COL4A3: variants seen among roughly 807,000 people sequenced by gnomAD.
The protein encoded by COL4A3 is collagen type IV alpha 3 chain.
COL4A3 carries 135 observed loss-of-function variants against 217.4 expected under a neutral mutation model. The observed-to-expected ratio is 0.62, with a 90% CI of 0.54 to 0.72. The LOEUF (loss-of-function observed/expected upper bound fraction) is 0.72, where lower values mean the gene tolerates loss of function less well. COL4A3 is among the 30% of genes least tolerant of loss of function. The pLI is 0.00. For synonymous variants in COL4A3, 690 were observed against 736.3 expected, an observed-to-expected ratio of 0.94 and a Z score of 1.02; for missense variants, 1,868 against 2,119.9, an observed-to-expected ratio of 0.88 and a Z score of 2.33.
chr2:227,249,529 C>T (rs2069607824), intron 9 of COL4A3, among the ~76,000 whole-genome samples: 1 of 151,842 alleles, frequency 6.6e-6, no homozygotes, highest in South Asian at 2.1e-4. Flanking sequence ...AGCCAACACG[C>T]CCAGCCAATT....
chr2:227,196,065 G>A (rs1026222918), intron 1 of COL4A3, among the ~76,000 whole-genome samples: 3 of 152,044 alleles, frequency 2.0e-5, no homozygotes, highest in East Asian at 1.9e-4. Flanking sequence ...GAATCAAGAC[G>A]TTTTAAAAAT....
rs1013423962 is a variant in COL4A3, at chr2:227,196,845, G to A, written c.87+32032G>A. The stretch of plus-strand genomic sequence containing the variant: ...ACTGCAGGTATACTATATAGCCTAA[G>A]CGTATAGTAGTAGGTCATGTGGTTT... On this transcript the variant is annotated intron_variant, in intron 1 of 51. Transcript: ENST00000396578. 7.9e-5 allele frequency among the ~76,000 whole-genome samples: 12 copies of A among 152,266 alleles called. No homozygotes were observed. The East Asian group carries it at 2.3e-3, about 29-fold the overall frequency.
At chr2:227,169,907 C>T (rs1379865042) in intron 1 of COL4A3, among the ~76,000 whole-genome samples, 1 of 152,082 alleles carries the variant, frequency 6.6e-6, no homozygotes, top group Non-Finnish European at 1.5e-5. Context: ...GTTTTGATCA[C>T]TATGTTTATA....
chr2:227,220,408 A>G lies in COL4A3; in HGVS notation c.88-17560A>G, dbSNP rs190014402. Among the ~76,000 whole-genome samples, 388 of 151,760 alleles carry G rather than the reference A, an allele frequency of 2.6e-3. 1 individual carries two copies. The highest frequency in any genetic ancestry group is 8.9e-3 in the African/African-American group (370 of 41,358). ...ATGTTGGCCAGGGTGGTCTCAAACT[A>G]CTGACCTCAAGTGATCCACCCGCCT... On this transcript the variant is annotated intron_variant, in intron 1 of 51. Coordinates refer to ENST00000396578, the MANE Select transcript of COL4A3 (RefSeq NM_000091.5).
intron 1 of COL4A3, among the ~76,000 whole-genome samples, chr2:227,210,444 GCC>G (rs199647981): frequency 0.042 from 5,834 of 137,998 alleles, 364 homozygotes; most frequent in East Asian, 0.12. Context: ...TAAAAAATTA[GCC>G]AAGTGTGGTG....
rs573806175 is a variant in COL4A3, at chr2:227,260,068, G to A, written c.1114+191G>A. ...TTTTATTTCATAGGTTGTATACCAG[G>A]AAGGTAATTAAATTATCTTTATGTA... On this transcript the variant is annotated intron_variant, in intron 19 of 51. Transcript: ENST00000396578. 5.4e-6 allele frequency: 4 copies of A among 746,384 alleles called. No individual in the cohort carries two copies. The East Asian group carries it at 1.0e-4, about 19-fold the overall frequency. The allele number at this position is 746,384 out of a possible 1,614,324, so 46.2% of individuals were successfully genotyped here. A position where few individuals can be genotyped will look rare whatever the true frequency, so the allele number is the denominator to read the frequency against.
chr2:227,217,766 T>C (rs2067580668), intron 1 of COL4A3, among the ~76,000 whole-genome samples: 1 of 152,094 alleles, frequency 6.6e-6, no homozygotes, highest in African/African-American at 2.4e-5. Flanking sequence ...TCAAGAAAAA[T>C]GTGCTCATAC....
chr2:227,166,463 G>A (rs763283238), intron 1 of COL4A3, among the ~76,000 whole-genome samples: 6 of 152,204 alleles, frequency 3.9e-5, no homozygotes, highest in Non-Finnish European at 8.8e-5. Context: ...GAATGAGATT[G>A]GGAAGGGGTG....
rs1482987456 is a variant in COL4A3, at chr2:227,304,987, C to A, written c.4156C>A (p.Pro1386Thr). 6.2e-7 allele frequency: 1 copy of A among 1,613,490 alleles called. No individual in the cohort carries two copies. Among genetic ancestry groups the A allele is most frequent in the South Asian group, 1.1e-5 (1 of 91,000 alleles). Reference sequence around the variant, plus strand: ...ATACAATGTTGGTTTTTGCCTAGGACCCTGTGGGCCAAGAGGTAAGCCAGG... The same window carrying A: ...ATACAATGTTGGTTTTTGCCTAGGAACCTGTGGGCCAAGAGGTAAGCCAGG... ...GPPGPPGNLG[P>T]CGPRGKPGKD... Residue 1386 changes from proline to threonine, a missense_variant and splice_region_variant, in exon 47 of 52, where the codon CCC (proline) becomes ACC (threonine). Physicochemically the swap from Pro to Thr is conservative, Grantham distance 38. Around this residue, in one of 2 missense-constraint regions of COL4A3, gnomAD observed 1,503 missense variants for 1,786.1 expected, o/e 0.84. Transcript: ENST00000396578.
intron 1 of COL4A3, among the ~76,000 whole-genome samples, chr2:227,195,449 TG>T (rs2066429008): frequency 2.0e-5 from 3 of 152,168 alleles, no homozygotes; most frequent in Admixed American, 6.5e-5. Flanking sequence ...AGACTAGTGA[TG>T]TATAGCAGTC....
chr2:227,285,929 T>C (rs2072294249), intron 34 of COL4A3, among the ~76,000 whole-genome samples: 1 of 152,180 alleles, frequency 6.6e-6, no homozygotes, highest in African/African-American at 2.4e-5. Flanking sequence ...ATATGATCCA[T>C]TTATTTTTCT....
intron 34 of COL4A3, among the ~76,000 whole-genome samples, chr2:227,285,692 G>A (rs530325322): frequency 1.3e-5 from 2 of 152,244 alleles, no homozygotes; most frequent in South Asian, 2.1e-4. Flanking sequence ...GTATAAATGC[G>A]CAGTGAGTAC....
At chr2:227,192,849 G>C (rs1237151441) in intron 1 of COL4A3, among the ~76,000 whole-genome samples, 1 of 151,932 alleles carries the variant, frequency 6.6e-6, no homozygotes, top group African/African-American at 2.4e-5. Flanking sequence ...ATTTTGTTTT[G>C]TTTTTACATT....
At chr2:227,262,733 T>C (rs1319138127) in intron 20 of COL4A3, among the ~76,000 whole-genome samples, 3 of 152,244 alleles carry the variant, frequency 2.0e-5, no homozygotes, top group African/African-American at 7.2e-5. Flanking sequence ...TTTTTGTATG[T>C]TGATTTCATG....
In COL4A3 at chr2:227,298,706, C is replaced by T; in HGVS notation, c.3776C>T (p.Pro1259Leu). ...SPGAPGPPGPPGSHVIGIKGD... is the reference protein window; with the variant it reads ...SPGAPGPPGPLGSHVIGIKGD... ...GGTGCGCCTGGTCCCCCTGGACCTC[C>T]AGGGAGTCATGTAATAGGCATAAAA... Residue 1259 changes from proline (P) to leucine (L), a missense_variant, in exon 43 of 52, where the codon CCA (proline) becomes CTA (leucine). Physicochemically the swap from Pro to Leu is moderately conservative, Grantham distance 98 (BLOSUM62 -3). Around this residue, in one of 2 missense-constraint regions of COL4A3, gnomAD observed 1,503 missense variants for 1,786.1 expected, o/e 0.84. Transcript: ENST00000396578. 6.2e-7 allele frequency: 1 copy of T among 1,614,012 alleles called. No individual in the cohort carries two copies. The highest frequency in any genetic ancestry group is 8.5e-7 in the Non-Finnish European group (1 of 1,179,968).
chr2:227,243,533 G>C (rs1182983509), intron 3 of COL4A3, among the ~76,000 whole-genome samples: 20 of 152,344 alleles, frequency 1.3e-4, no homozygotes, highest in Non-Finnish European at 1.3e-4. Context: ...TTCCGCCATA[G>C]ATGGGAGAGA....
chr2:227,284,075 CTATT>C lies in COL4A3; in HGVS notation c.2747-132_2747-129del, dbSNP rs1170309734. On this transcript the variant is annotated intron_variant, in intron 33 of 51. Coordinates refer to ENST00000396578, the MANE Select transcript of COL4A3 (RefSeq NM_000091.5). ...TTATGAGGCTGCCTGCCTGGGGAAA[CTATT>C]TATCAAGTTCTCAGCACTGTTAGCC... 4.8e-6 allele frequency: 6 copies of C among 1,240,634 alleles called. No individual in the cohort carries two copies. In the African/African-American group the frequency reaches 6.0e-5, roughly 12 times the overall value. The allele number at this position is 1,240,634 out of a possible 1,614,324, so 76.9% of individuals were successfully genotyped here.
intron 1 of COL4A3, among the ~76,000 whole-genome samples, chr2:227,178,906 G>A (rs576139653): frequency 9.9e-5 from 15 of 151,764 alleles, no homozygotes; most frequent in South Asian, 4.2e-4. Context: ...TGGGATTTCC[G>A]GTTATAAGGA....
intron 34 of COL4A3, among the ~76,000 whole-genome samples, chr2:227,286,312 C>T (rs1559901559): frequency 8.3e-6 from 1 of 120,812 alleles, no homozygotes; most frequent in African/African-American, 3.1e-5. Flanking sequence ...GCCAACATGG[C>T]AAAACCCCAT....
Sources: gnomAD v4.1 joint callset for allele counts (sites outside exome capture counted in the v4.1 genomes callset) on GRCh38, gnomAD v4.1.1 for gene constraint, gnomAD v4.1.1 regional missense constraint, MANE v1.5 for transcripts, NCBI Gene and HGNC (gene_info 2026-07-23, HGNC 2026-07-21) for gene names.